Variants in PMVK observed in about 807,000 individuals in gnomAD.
The protein encoded by PMVK is testis tissue sperm-binding protein Li 95mP.
A neutral mutation model predicts 19.0 loss-of-function variants in PMVK; 10 were observed. The observed-to-expected ratio is 0.53, with a 90% confidence interval of 0.32 to 0.89. The LOEUF is 0.89. PMVK is among the 40% of genes least tolerant of loss of function. The probability of loss-of-function intolerance (pLI) is 0.03; values close to 1 mark genes in which losing one functional copy is unlikely to be tolerated. For synonymous variants in PMVK, 108 were observed against 101.6 expected (o/e 1.06, Z -0.38); for missense variants, 222 against 251.1 (o/e 0.88, Z 0.78).
At chr1:154,941,117 C>T (rs1173058568), upstream of PMVK, among the ~76,000 whole-genome samples, 1 of 152,224 alleles carries the variant, frequency 6.6e-6, no homozygotes, top group African/African-American at 2.4e-5. Flanking sequence ...TCTGGGGTTT[C>T]CGACTTCAAA....
At chr1:154,933,038 G>T (rs1231012743) in intron 1 of PMVK, among the ~76,000 whole-genome samples, 1 of 152,214 alleles carries the variant, frequency 6.6e-6, no homozygotes, top group African/African-American at 2.4e-5. Flanking sequence ...GAGCCCAGGA[G>T]TTCCAGGCTA....
intron 3 of PMVK, among the ~76,000 whole-genome samples, chr1:154,928,815 A>T (rs1654249020): frequency 6.6e-6 from 1 of 150,810 alleles, no homozygotes; most frequent in South Asian, 2.1e-4. Context: ...ATAAATAAAT[A>T]ATAAAAGGTC....
rs558830355 is a variant in PMVK at position 154,933,018 on chromosome 1, G to A, written c.96-603C>T. ...CCAGCTACTCCAGAGGCTGAGGTGG[G>A]AGCATTCCTGAGCCCAGGAGTTCCA... On this transcript the variant is annotated intron_variant, in intron 1 of 4. Coordinates refer to ENST00000368467, the MANE Select transcript of PMVK (RefSeq NM_006556.4). Among the ~76,000 whole-genome samples the A allele has an allele frequency of 2.0e-3, 304 of 152,294 alleles. 2 individuals carry two copies. Among genetic ancestry groups the A allele is most frequent in the Admixed American group, 4.2e-3 (65 of 15,304 alleles).
intron 3 of PMVK, among the ~76,000 whole-genome samples, chr1:154,927,839 C>T (rs1263232776): frequency 6.6e-6 from 1 of 152,126 alleles, no homozygotes; most frequent in Non-Finnish European, 1.5e-5. Context: ...GTGTAGCCTT[C>T]CCAGGCACCC....
chr1:154,930,320 C>T (rs1217405105), intron 2 of PMVK, among the ~76,000 whole-genome samples: 3 of 152,232 alleles, frequency 2.0e-5, no homozygotes, highest in Admixed American at 6.5e-5. Context: ...ATTACCCGGG[C>T]GTGGTCACCC....
chr1:154,941,711 G>A (rs528759110), upstream of PMVK, among the ~76,000 whole-genome samples: 7 of 152,286 alleles, frequency 4.6e-5, no homozygotes, highest in South Asian at 2.1e-4. Context: ...GCTGGGAAGC[G>A]AAGTGACCCA....
At chr1:154,939,541 A>AAC (rs1654597587), upstream of PMVK, among the ~76,000 whole-genome samples, 1 of 150,154 alleles carries the variant, frequency 6.7e-6, no homozygotes, top group South Asian at 2.1e-4. Context: ...AAAAAAAAAA[A>AAC]ACAAAACAGC....
upstream of PMVK, among the ~76,000 whole-genome samples, chr1:154,939,539 A>AC (rs1654597187): frequency 1.3e-5 from 2 of 151,680 alleles, no homozygotes; most frequent in South Asian, 4.2e-4. Context: ...CAAAAAAAAA[A>AC]AAACAAAACA....
chr1:154,938,999 G>A (rs539776910), upstream of PMVK, among the ~76,000 whole-genome samples: 22 of 152,220 alleles, frequency 1.4e-4, no homozygotes, highest in African/African-American at 4.6e-4. Flanking sequence ...GGGATTACCA[G>A]TGTAAGCCAC....
chr1:154,929,727 AC>A (rs769349727), intron 2 of PMVK, among the ~76,000 whole-genome samples: 14 of 151,662 alleles, frequency 9.2e-5, no homozygotes, highest in Non-Finnish European at 1.8e-4. Flanking sequence ...GGCCTCCCAC[AC>A]CCAGAGGACC....
rs769971050 is a variant in PMVK at position 154,925,181 on chromosome 1, C to T, written c.527G>A (p.Arg176His). Residue 176 changes from arginine to histidine, a missense_variant, in exon 5 of 5, where the codon CGC (arginine) becomes CAC (histidine). By Grantham distance (29) the Arg-to-His change is conservative (BLOSUM62 0). Transcript: ENST00000368467. ...CAGGTTCTCCAACTGCTCCTCCAGG[C>T]GCTGTTCAACTCCATGGTTCTCGAT... ...WVIENHGVEQRLEEQLENLIE... is the reference protein window; with the variant it reads ...WVIENHGVEQHLEEQLENLIE... The T allele has an allele frequency of 1.7e-5, 28 of 1,613,792 alleles. No homozygotes were observed. In the East Asian group the frequency reaches 1.8e-4, roughly 10 times the overall value.
At chr1:154,927,942 T>C (rs1206475237) in intron 3 of PMVK, among the ~76,000 whole-genome samples, 1 of 152,142 alleles carries the variant, frequency 6.6e-6, no homozygotes, top group African/African-American at 2.4e-5. Context: ...ATATATTCTG[T>C]ATTTATTCTG....
upstream of PMVK, among the ~76,000 whole-genome samples, chr1:154,940,151 G>A (rs1351687602): frequency 6.6e-6 from 1 of 152,166 alleles, no homozygotes; most frequent in Non-Finnish European, 1.5e-5. Context: ...AGCATTGATG[G>A]CCAGCCTGTT....
At chr1:154,928,740 C>A (rs1654244624) in intron 3 of PMVK, among the ~76,000 whole-genome samples, 1 of 151,430 alleles carries the variant, frequency 6.6e-6, no homozygotes, top group African/African-American at 2.4e-5. Context: ...CCACTGCACT[C>A]CAGCCCAGGC....
upstream of PMVK, among the ~76,000 whole-genome samples, chr1:154,941,213 A>G (rs1470360680): frequency 6.6e-6 from 1 of 152,226 alleles, no homozygotes; most frequent in Non-Finnish European, 1.5e-5. Flanking sequence ...GAACAGGCCC[A>G]GCCAGAAGAA....
chr1:154,933,787 C>T (rs1296003459), intron 1 of PMVK, among the ~76,000 whole-genome samples: 1 of 151,766 alleles, frequency 6.6e-6, no homozygotes, highest in East Asian at 1.9e-4. Flanking sequence ...CCACCGCACA[C>T]GGCCCTTCTT....
At chr1:154,939,921 T>A (rs1049364797), upstream of PMVK, among the ~76,000 whole-genome samples, 2 of 144,004 alleles carry the variant, frequency 1.4e-5, no homozygotes. Context: ...TGTGCCACCA[T>A]GCTGAGTTAA....
At chr1:154,941,869 C>T in the PMVK span, among the ~76,000 whole-genome samples, 1 of 152,022 alleles carries the variant, frequency 6.6e-6, no homozygotes, top group Non-Finnish European at 1.5e-5. Flanking sequence ...AGGCACAGGG[C>T]CAGACAGGGC....
At chr1:154,933,559 T>C (rs1654408285) in intron 1 of PMVK, among the ~76,000 whole-genome samples, 1 of 136,946 alleles carries the variant, frequency 7.3e-6, no homozygotes, top group African/African-American at 2.7e-5. Flanking sequence ...AATGGCGCGA[T>C]CTCGGCTCAC....
Sources: allele counts gnomAD v4.1 joint callset (sites outside exome capture counted in the v4.1 genomes callset), GRCh38; gene constraint gnomAD v4.1.1; transcripts MANE v1.5; gene names NCBI Gene and HGNC (gene_info 2026-07-23, HGNC 2026-07-21).